SPOCK3: variants seen among roughly 807,000 people sequenced by gnomAD.
The protein encoded by SPOCK3 is SPARC (osteonectin), cwcv and kazal like domains proteoglycan 3.
In SPOCK3, 30 loss-of-function variants were observed where a neutral mutation model predicts 56.6. That is an observed-to-expected ratio of 0.53 (90% CI 0.40 to 0.72). The LOEUF (loss-of-function observed/expected upper bound fraction) is 0.72. Among genes scored for constraint, SPOCK3 ranks in the 30% least tolerant of loss-of-function variants. SPOCK3 has a pLI of 0.00. For missense variants in SPOCK3, 527 were observed against 530.0 expected (o/e 0.99, Z 0.06); for synonymous variants, 196 against 183.3 (o/e 1.07, Z -0.56).
chr4:166,840,825 C>T (rs976328858), intron 6 of SPOCK3, among the ~76,000 whole-genome samples: 13 of 134,500 alleles, frequency 9.7e-5, no homozygotes, highest in African/African-American at 3.6e-4. Flanking sequence ...GTCGCCCAGG[C>T]TGGAGTGCAG....
At chr4:167,158,568 C>G (rs1483719106) in intron 2 of SPOCK3, among the ~76,000 whole-genome samples, 1 of 151,874 alleles carries the variant, frequency 6.6e-6, no homozygotes, top group South Asian at 2.1e-4. Flanking sequence ...AAGTAAATAA[C>G]CTTTGAGAGT....
Position 167,029,259 on chromosome 4 carries a change from T to C in SPOCK3, c.236-28796A>G, listed in dbSNP as rs558799938. On this transcript the variant is annotated intron_variant, in intron 3 of 10. Coordinates refer to ENST00000357545, the MANE Select transcript of SPOCK3 (RefSeq NM_001040159.2). ...CAACTACTACTCACATCCAAGTCAC[T>C]ATTGATTTTTAACATTTTGGCTGAA... Among the ~76,000 whole-genome samples, 39 of 151,046 alleles carry C rather than the reference T, an allele frequency of 2.6e-4. No homozygotes were observed. The South Asian group carries it at 7.9e-3, about 30-fold the overall frequency.
chr4:166,744,602 C>G (rs1395856479), intron 8 of SPOCK3, among the ~76,000 whole-genome samples: 1 of 152,158 alleles, frequency 6.6e-6, no homozygotes, highest in Non-Finnish European at 1.5e-5. Flanking sequence ...CAGCTCCTCA[C>G]CAGCAACAGA....
chr4:166,890,362 T>C (rs906023667), intron 5 of SPOCK3, among the ~76,000 whole-genome samples: 9 of 152,006 alleles, frequency 5.9e-5, no homozygotes, highest in African/African-American at 2.2e-4. Flanking sequence ...CATTAAAAAA[T>C]CTGGGATAAT....
chr4:166,810,810 T>G (rs990295496), intron 6 of SPOCK3, among the ~76,000 whole-genome samples: 1 of 151,956 alleles, frequency 6.6e-6, no homozygotes. Flanking sequence ...TAAAATAAAC[T>G]GGAGTGTGCC....
chr4:167,225,130 G>A (rs1162713755), intron 2 of SPOCK3, among the ~76,000 whole-genome samples: 5 of 152,024 alleles, frequency 3.3e-5, no homozygotes, highest in Admixed American at 2.0e-4. Context: ...TATAAAAACA[G>A]GAAGAATCTA....
At chr4:167,047,786 G>T (rs542608260) in intron 3 of SPOCK3, among the ~76,000 whole-genome samples, 3 of 152,170 alleles carry the variant, frequency 2.0e-5, no homozygotes, top group African/African-American at 4.8e-5. Flanking sequence ...TGTGGCTCAC[G>T]CCTGTAATCC....
chr4:167,110,394 C>T (rs1421230578), intron 2 of SPOCK3, among the ~76,000 whole-genome samples: 1 of 152,014 alleles, frequency 6.6e-6, no homozygotes, highest in Non-Finnish European at 1.5e-5. Context: ...ATGGAGGGGT[C>T]TGGGTACAAA....
chr4:167,125,764 G>A (rs1481623794), intron 2 of SPOCK3, among the ~76,000 whole-genome samples: 1 of 152,088 alleles, frequency 6.6e-6, no homozygotes, highest in East Asian at 1.9e-4. Context: ...TTTCTTTCAT[G>A]TAGGAGATCA....
chr4:166,775,021 C>T (rs937816928), intron 7 of SPOCK3, among the ~76,000 whole-genome samples: 1 of 152,116 alleles, frequency 6.6e-6, no homozygotes, highest in African/African-American at 2.4e-5. Context: ...GGAGGGACAT[C>T]TTTAGAATTC....
intron 4 of SPOCK3, among the ~76,000 whole-genome samples, chr4:166,940,945 T>C (rs556319422): frequency 6.6e-6 from 1 of 151,050 alleles, no homozygotes; most frequent in Non-Finnish European, 1.5e-5. Flanking sequence ...CTGAATTCCC[T>C]CCCTTTCAGG....
intron 6 of SPOCK3, among the ~76,000 whole-genome samples, chr4:166,842,254 G>T (rs1241851410): frequency 6.6e-6 from 1 of 152,198 alleles, no homozygotes; most frequent in Non-Finnish European, 1.5e-5. Flanking sequence ...GCTTTTGCTG[G>T]CTCTGGCAGC....
At chr4:166,999,682 A>G (rs1467378591) in intron 4 of SPOCK3, among the ~76,000 whole-genome samples, 3 of 152,200 alleles carry the variant, frequency 2.0e-5, no homozygotes, top group Non-Finnish European at 4.4e-5. Context: ...TTCATGTTTG[A>G]TTGTGGCGCG....
chr4:166,745,683 C>T (rs934168265), intron 8 of SPOCK3, among the ~76,000 whole-genome samples: 1 of 152,140 alleles, frequency 6.6e-6, no homozygotes, highest in Non-Finnish European at 1.5e-5. Context: ...AGTTAAAAGA[C>T]ACAGACTGGC....
chr4:167,155,650 G>A (rs1184364135), intron 2 of SPOCK3, among the ~76,000 whole-genome samples: 1 of 152,018 alleles, frequency 6.6e-6, no homozygotes, highest in East Asian at 1.9e-4. Flanking sequence ...GAAATCACTG[G>A]GCAGAGAGTA....
intron 3 of SPOCK3, among the ~76,000 whole-genome samples, chr4:167,003,157 C>T (rs189908742): frequency 1.3e-5 from 2 of 151,504 alleles, no homozygotes; most frequent in Non-Finnish European, 2.9e-5. Flanking sequence ...CATGTATGCT[C>T]AAGAAAATGG....
At chr4:166,780,445 A>G (rs1740036754) in intron 7 of SPOCK3, among the ~76,000 whole-genome samples, 1 of 152,120 alleles carries the variant, frequency 6.6e-6, no homozygotes. Context: ...GGGACCCAAG[A>G]AACCACCTGA....
chr4:166,870,605 C>T (rs1050180230), intron 6 of SPOCK3, among the ~76,000 whole-genome samples: 1 of 151,812 alleles, frequency 6.6e-6, no homozygotes, highest in African/African-American at 2.4e-5. Flanking sequence ...TCTAAGTAAC[C>T]CACAAGTCAA....
chr4:166,733,929 T>C lies in SPOCK3; in HGVS notation c.*992A>G, dbSNP rs2126326201. The C allele has an allele frequency of 6.6e-6, 1 of 152,368 alleles. No homozygotes were observed. The highest frequency in any genetic ancestry group is 2.4e-5 in the African/African-American group (1 of 41,554). The allele number at this position is 152,368 out of a possible 1,614,324, so 9.4% of individuals were successfully genotyped here. ...TGGTATGCATGCTAAAATCTTTCTA[T>C]CTCTATTTTTGCAAGGCACCATACA... On this transcript the variant is annotated 3_prime_UTR_variant, in exon 11 of 11. Coordinates refer to ENST00000357545, the MANE Select transcript of SPOCK3 (RefSeq NM_001040159.2).
Sources: gnomAD v4.1 joint callset for allele counts (sites outside exome capture counted in the v4.1 genomes callset) on GRCh38, gnomAD v4.1.1 for gene constraint, MANE v1.5 for transcripts, NCBI Gene and HGNC (gene_info 2026-07-23, HGNC 2026-07-21) for gene names.